The following FAM117B variants were observed in gnomAD, a reference collection of about 807,000 sequenced individuals.
FAM117B encodes the protein protein FAM117B.
Under a neutral mutation model 52.8 loss-of-function variants are expected in FAM117B, and 22 were observed. That is an observed-to-expected ratio of 0.42 (90% CI 0.30 to 0.59). The LOEUF (loss-of-function observed/expected upper bound fraction) is 0.59. FAM117B is among the 20% of genes least tolerant of loss of function. The probability of loss-of-function intolerance (pLI) is 0.22; values close to 1 mark genes in which losing one functional copy is unlikely to be tolerated. For missense variants in FAM117B, 678 were observed against 802.6 expected (o/e 0.84, Z 1.88); for synonymous variants, 309 against 324.1 (o/e 0.95, Z 0.50).
chr2:202,749,887 T>G (rs191367062), intron 4 of FAM117B, among the ~76,000 whole-genome samples: 24 of 152,340 alleles, frequency 1.6e-4, no homozygotes, highest in Non-Finnish European at 2.5e-4. Context: ...CTGGCTTATG[T>G]TTAAGTATGT....
rs558691850 is a variant in FAM117B, at chr2:202,767,157, C to CT, written c.*1413dup. On this transcript the variant is annotated 3_prime_UTR_variant, in exon 8 of 8. Coordinates refer to ENST00000392238, the MANE Select transcript of FAM117B (RefSeq NM_173511.4). Reference sequence around the variant, plus strand: ...ATGTGGTAGTGAGATTAAGGAGCAGCTTTTTTTTTTTTTTTTTTTTGAGAC... The same window carrying CT: ...ATGTGGTAGTGAGATTAAGGAGCAGCTTTTTTTTTTTTTTTTTTTTTGAGAC... The CT allele has an allele frequency of 8.3e-3, 916 of 110,336 alleles. 20 individuals carry two copies. The highest frequency in any genetic ancestry group is 0.024 in the African/African-American group (727 of 29,962). The allele number at this position is 110,336 out of a possible 1,614,324, so 6.8% of individuals were successfully genotyped here.
At chr2:202,666,941 G>A (rs985786843) in intron 1 of FAM117B, among the ~76,000 whole-genome samples, 5 of 151,620 alleles carry the variant, frequency 3.3e-5, no homozygotes, top group South Asian at 2.1e-4. Context: ...CACCACGCCC[G>A]GCCAGTATGT....
chr2:202,765,317 T>C (rs1009754252), intron 7 of FAM117B, 129 bp from the exon 8 acceptor site: 43 of 910,402 alleles, frequency 4.7e-5, no homozygotes, highest in Non-Finnish European at 4.8e-5. Context: ...GCTTGAGTTT[T>C]ATATTCCTTT....
At chr2:202,726,482 T>G in intron 4 of FAM117B, 119 bp downstream of exon 4, 1 of 677,622 alleles carries the variant, frequency 1.5e-6, no homozygotes, top group Non-Finnish European at 2.5e-6. Flanking sequence ...AAACAGTGAT[T>G]TAAATACTGA....
At chr2:202,644,967 ATTTTTC>A (rs971534541) in intron 1 of FAM117B, among the ~76,000 whole-genome samples, 1 of 145,160 alleles carries the variant, frequency 6.9e-6, no homozygotes, top group African/African-American at 2.6e-5. Flanking sequence ...ATTTCTGGGA[ATTTTTC>A]TTTTATTATT....
At chr2:202,678,843 C>T (rs929349014) in intron 1 of FAM117B, among the ~76,000 whole-genome samples, 2 of 152,172 alleles carry the variant, frequency 1.3e-5, no homozygotes, top group Admixed American at 6.6e-5. Flanking sequence ...CACGTGTGAG[C>T]CTCTGCACCC....
chr2:202,692,611 A>G (rs1559103481), intron 1 of FAM117B, among the ~76,000 whole-genome samples: 1 of 152,252 alleles, frequency 6.6e-6, no homozygotes, highest in African/African-American at 2.4e-5. Context: ...ACTTAATTCT[A>G]GTTAAAAGTT....
In FAM117B at chr2:202,732,268, C is replaced by T. The variant is rs183901899; in HGVS notation, c.960+5905C>T. 6.9e-4 allele frequency among the ~76,000 whole-genome samples: 105 copies of T among 152,238 alleles called. 1 individual carries two copies. Among genetic ancestry groups the T allele is most frequent in the Admixed American group, 2.6e-3 (39 of 15,288 alleles). On this transcript the variant is annotated intron_variant, in intron 4 of 7. Transcript: ENST00000392238. ...TGTGGCAGTTCCTCAAAAGATTAAA[C>T]GTGGAATTGCCAAATGGCCCGGCAC...
At chr2:202,699,449 G>GAAAAAAAAAAAA (rs59522030) in intron 2 of FAM117B, among the ~76,000 whole-genome samples, 1 of 100,030 alleles carries the variant, frequency 1.0e-5, no homozygotes, top group African/African-American at 3.9e-5. Flanking sequence ...AAAAAAAAAA[G>GAAAAAAAAAAAA]AAAAAAAAAA....
intron 1 of FAM117B, among the ~76,000 whole-genome samples, chr2:202,640,314 A>ATATG (rs1689751103): frequency 9.9e-6 from 1 of 100,614 alleles, no homozygotes; most frequent in Non-Finnish European, 1.9e-5. Flanking sequence ...ATATATATAT[A>ATATG]TATATATATA....
chr2:202,708,177 C>T (rs1690903467), intron 2 of FAM117B, among the ~76,000 whole-genome samples: 1 of 152,296 alleles, frequency 6.6e-6, no homozygotes, highest in Middle Eastern at 3.4e-3. Flanking sequence ...ATCTCTAGAA[C>T]TTACTCATTT....
At chr2:202,695,767 T>A in intron 1 of FAM117B, 114 bp from the exon 2 acceptor site, 2 of 1,128,740 alleles carry the variant, frequency 1.8e-6, no homozygotes, top group South Asian at 3.3e-5. Context: ...TCCCCTGTGG[T>A]TAAAGGGGAT....
chr2:202,696,897 A>G (rs1461678502), intron 2 of FAM117B, among the ~76,000 whole-genome samples: 1 of 152,124 alleles, frequency 6.6e-6, no homozygotes, highest in Non-Finnish European at 1.5e-5. Flanking sequence ...GCGAAACCTC[A>G]TCTCTGCAAA....
intron 4 of FAM117B, among the ~76,000 whole-genome samples, chr2:202,727,450 G>T: frequency 6.6e-6 from 1 of 151,728 alleles, no homozygotes; most frequent in Non-Finnish European, 1.5e-5. Flanking sequence ...TTGCATTTAT[G>T]GATTCAACCA....
intron 2 of FAM117B, among the ~76,000 whole-genome samples, chr2:202,706,606 T>C (rs1473668790): frequency 6.6e-6 from 1 of 152,234 alleles, no homozygotes; most frequent in Non-Finnish European, 1.5e-5. Flanking sequence ...GGTTGTTTTC[T>C]TTGAATTGAA....
At chr2:202,726,646 G>T (rs1432367800) in intron 4 of FAM117B, among the ~76,000 whole-genome samples, 1 of 152,138 alleles carries the variant, frequency 6.6e-6, no homozygotes, top group Non-Finnish European at 1.5e-5. Flanking sequence ...GAGGCAGAAT[G>T]ACACAGAGAA....
chr2:202,734,424 A>G (rs1208759533), intron 4 of FAM117B, among the ~76,000 whole-genome samples: 1 of 152,240 alleles, frequency 6.6e-6, no homozygotes, highest in Non-Finnish European at 1.5e-5. Context: ...GGTATTATAC[A>G]TTATATTCTA....
At chr2:202,646,596 T>G (rs745679407) in intron 1 of FAM117B, among the ~76,000 whole-genome samples, 1 of 152,190 alleles carries the variant, frequency 6.6e-6, no homozygotes. Context: ...CGTTTCCATT[T>G]CTCAGGGAAC....
chr2:202,739,018 G>C (rs921073975), intron 4 of FAM117B, among the ~76,000 whole-genome samples: 1 of 152,104 alleles, frequency 6.6e-6, no homozygotes, highest in Non-Finnish European at 1.5e-5. Flanking sequence ...GTAAAACCTT[G>C]TCTGTATTAA....
Sources: allele counts gnomAD v4.1 joint callset (sites outside exome capture counted in the v4.1 genomes callset), GRCh38; gene constraint gnomAD v4.1.1; transcripts MANE v1.5; gene names NCBI Gene and HGNC (gene_info 2026-07-23, HGNC 2026-07-21).